CNTNAP2: variants seen among roughly 807,000 people sequenced by gnomAD.
The protein encoded by CNTNAP2 is contactin associated protein 2.
Under a neutral mutation model 155.2 loss-of-function variants are expected in CNTNAP2, and 98 were observed. The observed-to-expected ratio is 0.63, with a 90% CI of 0.54 to 0.75. CNTNAP2 has a LOEUF of 0.75. CNTNAP2 is among the 30% of genes least tolerant of loss of function. CNTNAP2 has a pLI of 0.00. For synonymous variants in CNTNAP2, 651 were observed against 631.2 expected (o/e 1.03, Z -0.47); for missense variants, 1,727 against 1,688.1 (o/e 1.02, Z -0.40).
At chr7:146,873,237 C>T (rs1012937042) in intron 3 of CNTNAP2, among the ~76,000 whole-genome samples, 14 of 147,716 alleles carry the variant, frequency 9.5e-5, no homozygotes, top group Admixed American at 4.2e-4. Context: ...CCCATCCCAT[C>T]TCCACCCACA....
At chr7:147,920,198 A>T (rs1289847283) in intron 14 of CNTNAP2, among the ~76,000 whole-genome samples, 1 of 151,792 alleles carries the variant, frequency 6.6e-6, no homozygotes, top group Non-Finnish European at 1.5e-5. Context: ...TCTACTAAAA[A>T]TACAAAAATT....
chr7:147,025,193 A>G (rs62483992), intron 3 of CNTNAP2, among the ~76,000 whole-genome samples: 16,907 of 146,386 alleles, frequency 0.12, 1,069 homozygotes, highest in Middle Eastern at 0.17. Flanking sequence ...GGCTGAGACA[A>G]GAGAATCGCT....
intron 4 of CNTNAP2, among the ~76,000 whole-genome samples, chr7:147,061,612 A>C (rs917760415): frequency 2.6e-5 from 4 of 152,168 alleles, no homozygotes; most frequent in Non-Finnish European, 5.9e-5. Context: ...TGATACTTAC[A>C]GTGGCCCCTG....
intron 13 of CNTNAP2, among the ~76,000 whole-genome samples, chr7:147,660,213 AGAG>A (rs1795588795): frequency 6.6e-6 from 1 of 152,264 alleles, no homozygotes; most frequent in Non-Finnish European, 1.5e-5. Context: ...AAGATTGTTC[AGAG>A]AAGACTGACT....
intron 21 of CNTNAP2, among the ~76,000 whole-genome samples, chr7:148,351,919 C>A (rs966791676): frequency 6.6e-6 from 1 of 152,088 alleles, no homozygotes; most frequent in African/African-American, 2.4e-5. Flanking sequence ...TATGTGACCC[C>A]TACCTCATGG....
At chr7:146,350,086 C>T (rs184385857) in intron 1 of CNTNAP2, among the ~76,000 whole-genome samples, 11 of 152,248 alleles carry the variant, frequency 7.2e-5, no homozygotes, top group Admixed American at 2.6e-4. Context: ...TTCCATTCTC[C>T]GTGTCACTTT....
intron 1 of CNTNAP2, among the ~76,000 whole-genome samples, chr7:146,334,019 T>C (rs1801229169): frequency 6.6e-6 from 1 of 152,206 alleles, no homozygotes; most frequent in Admixed American, 6.5e-5. Context: ...GTTTGATGAA[T>C]AGTTACCCAG....
chr7:146,560,229 T>C (rs802008), intron 1 of CNTNAP2, among the ~76,000 whole-genome samples: 126,852 of 151,914 alleles, frequency 0.84, 53,604 homozygotes, highest in African/African-American at 0.91. Flanking sequence ...GTTAAATAAG[T>C]GTCCTGCTTG....
At chr7:147,813,989 C>T (rs1798222321) in intron 13 of CNTNAP2, among the ~76,000 whole-genome samples, 1 of 152,038 alleles carries the variant, frequency 6.6e-6, no homozygotes, top group South Asian at 2.1e-4. Context: ...TATTCAGGAA[C>T]AATAGCTAAC....
At chr7:148,177,373 A>G (rs144165824) in intron 18 of CNTNAP2, among the ~76,000 whole-genome samples, 2,022 of 152,314 alleles carry the variant, frequency 0.013, 44 homozygotes, top group African/African-American at 0.046. Context: ...TCGGAGTTAC[A>G]CTGCCCCAAG....
At chr7:147,446,862 T>G (rs1797748214) in intron 10 of CNTNAP2, among the ~76,000 whole-genome samples, 1 of 152,276 alleles carries the variant, frequency 6.6e-6, no homozygotes, top group Non-Finnish European at 1.5e-5. Context: ...TAAAAGAATT[T>G]TAGGGTGTCT....
chr7:146,809,430 C>T (rs550250141), intron 2 of CNTNAP2, among the ~76,000 whole-genome samples: 7 of 152,072 alleles, frequency 4.6e-5, no homozygotes, highest in East Asian at 3.9e-4. Flanking sequence ...GGTGCGGTGT[C>T]GGCTCACTGC....
intron 21 of CNTNAP2, among the ~76,000 whole-genome samples, chr7:148,357,252 T>G (rs1167717563): frequency 1.3e-5 from 2 of 152,144 alleles, no homozygotes; most frequent in Admixed American, 1.3e-4. Flanking sequence ...CTGCATGAGC[T>G]CTCTTGCCTG....
At chr7:148,273,288 G>A (rs1427834896) in intron 21 of CNTNAP2, among the ~76,000 whole-genome samples, 1 of 152,148 alleles carries the variant, frequency 6.6e-6, no homozygotes, top group South Asian at 2.1e-4. Context: ...CAATATTATA[G>A]TAGAGCAGGG....
chr7:147,012,302 A>C (rs1257345635), intron 3 of CNTNAP2, among the ~76,000 whole-genome samples: 1 of 152,172 alleles, frequency 6.6e-6, no homozygotes, highest in Non-Finnish European at 1.5e-5. Context: ...ATAAGAGCAT[A>C]TTCTTGTTTG....
chr7:147,146,674 C>T (rs1221013524), intron 8 of CNTNAP2: 3 of 152,240 alleles, frequency 2.0e-5, no homozygotes, highest in African/African-American at 7.2e-5. Context: ...CATTTGTGAA[C>T]AGATTTTTTA....
chr7:146,600,933 A>C lies in CNTNAP2; in HGVS notation c.98-173338A>C, dbSNP rs115594345. Among the ~76,000 whole-genome samples, 1,502 of 152,266 alleles carry C rather than the reference A, an allele frequency of 9.9e-3. 17 individuals are homozygous for C. Among genetic ancestry groups the C allele is most frequent in the African/African-American group, 0.035 (1,437 of 41,552 alleles). On this transcript the variant is annotated intron_variant, in intron 1 of 23. Transcript: ENST00000361727. ...GAGTAATAATATTCTAGGGTTTCAC[A>C]TACAGAATAATCTGAATAATGAACT...
intron 1 of CNTNAP2, among the ~76,000 whole-genome samples, chr7:146,504,902 G>A (rs1797359935): frequency 6.6e-6 from 1 of 152,112 alleles, no homozygotes; most frequent in South Asian, 2.1e-4. Context: ...CACACCTTTG[G>A]TGTGGTGATA....
At chr7:146,282,449 G>A (rs1236796367) in intron 1 of CNTNAP2, among the ~76,000 whole-genome samples, 1 of 152,166 alleles carries the variant, frequency 6.6e-6, no homozygotes, top group Non-Finnish European at 1.5e-5. Context: ...CAACACTTTG[G>A]ATAATTGTTA....
Sources: gnomAD v4.1 joint callset for allele counts (sites outside exome capture counted in the v4.1 genomes callset) on GRCh38, gnomAD v4.1.1 for gene constraint, MANE v1.5 for transcripts, NCBI Gene and HGNC (gene_info 2026-07-23, HGNC 2026-07-21) for gene names.